The following DYM variants were observed in gnomAD, a reference collection of about 807,000 sequenced individuals.
DYM encodes dyggve-Melchior-Clausen syndrome protein.
A neutral mutation model predicts 93.1 loss-of-function variants in DYM; 78 were observed. The ratio of observed to expected loss-of-function variants is 0.84; its 90% CI spans 0.70 to 1.01. DYM has a LOEUF of 1.01. Ranked by LOEUF, DYM falls within the 50% of genes least tolerant of loss-of-function variation. DYM has a pLI of 0.00. For missense variants in DYM, 789 were observed against 845.0 expected, an observed-to-expected ratio of 0.93 and a Z score of 0.82; for synonymous variants, 321 against 319.7, an observed-to-expected ratio of 1.00 and a Z score of -0.04.
At chr18:49,045,776 G>A (rs2071406105) in intron 17 of DYM, among the ~76,000 whole-genome samples, 1 of 152,172 alleles carries the variant, frequency 6.6e-6, no homozygotes, top group South Asian at 2.1e-4. Context: ...GGAAAGGCCT[G>A]GGTGTGAGGC....
intron 2 of DYM, among the ~76,000 whole-genome samples, chr18:49,421,422 C>G (rs2073695098): frequency 6.6e-6 from 1 of 152,200 alleles, no homozygotes; most frequent in South Asian, 2.1e-4. Flanking sequence ...TCCAACAGAC[C>G]TGCAGCTGAG....
intron 17 of DYM, among the ~76,000 whole-genome samples, chr18:49,095,625 T>A (rs1599709424): frequency 6.6e-6 from 1 of 152,200 alleles, no homozygotes; most frequent in East Asian, 1.9e-4. Flanking sequence ...GATCTTGCTC[T>A]AAATCAGAGT....
At chr18:49,304,480 A>T (rs1480632327) in intron 8 of DYM, among the ~76,000 whole-genome samples, 1 of 152,170 alleles carries the variant, frequency 6.6e-6, no homozygotes, top group Admixed American at 6.5e-5. Context: ...ATTAGGAAAA[A>T]ACCTTCTATA....
rs2093294310 is a variant in DYM at position 49,220,305 on chromosome 18, A to G, written c.1461-10590T>C. Among the ~76,000 whole-genome samples the G allele has an allele frequency of 1.1e-4, 17 of 149,308 alleles. No homozygotes were observed. The South Asian group carries it at 3.7e-3, about 32-fold the overall frequency. On this transcript the variant is annotated intron_variant, in intron 13 of 17. Coordinates refer to ENST00000675505, the MANE Select transcript of DYM (RefSeq NM_001353214.3). ...CCATGCTCATGGGTAGGAAGAATCA[A>G]TATCGTGAAAATGGCCATACTGCCC...
intron 14 of DYM, among the ~76,000 whole-genome samples, chr18:49,187,096 T>G (rs562111036): frequency 2.0e-5 from 3 of 152,202 alleles, no homozygotes; most frequent in Non-Finnish European, 4.4e-5. Context: ...ATTTTTTGTA[T>G]GTTTAGTAGA....
intron 6 of DYM, among the ~76,000 whole-genome samples, chr18:49,339,273 CCA>C (rs1408866087): frequency 1.3e-5 from 2 of 152,194 alleles, no homozygotes; most frequent in South Asian, 2.1e-4. Context: ...AAAGAAAAAT[CCA>C]CAGAGATATG....
intron 6 of DYM, among the ~76,000 whole-genome samples, chr18:49,344,164 C>T (rs1206616965): frequency 6.6e-6 from 1 of 152,058 alleles, no homozygotes; most frequent in African/African-American, 2.4e-5. Context: ...TTGGGTTCTA[C>T]ATATCTGGGG....
At chr18:49,141,946 C>T (rs900220011) in intron 15 of DYM, among the ~76,000 whole-genome samples, 8 of 151,970 alleles carry the variant, frequency 5.3e-5, no homozygotes, top group Non-Finnish European at 1.2e-4. Context: ...CTCTGCCCCC[C>T]GGGTTCATGC....
chr18:49,048,722 T>C (rs1157840559), intron 17 of DYM, among the ~76,000 whole-genome samples: 1 of 152,236 alleles, frequency 6.6e-6, no homozygotes, highest in Admixed American at 6.5e-5. Context: ...GGGGAAACTC[T>C]GATGACTATT....
chr18:49,054,586 T>A (rs1438002701), intron 17 of DYM, among the ~76,000 whole-genome samples: 1 of 152,172 alleles, frequency 6.6e-6, no homozygotes, highest in Admixed American at 6.5e-5. Flanking sequence ...GACCACTTAT[T>A]AGAAGTTACA....
chr18:49,053,767 T>A (rs1366886502), intron 17 of DYM, among the ~76,000 whole-genome samples: 1 of 152,242 alleles, frequency 6.6e-6, no homozygotes, highest in Non-Finnish European at 1.5e-5. Context: ...CCATATCCTA[T>A]TGCTGTGTAA....
At chr18:49,390,539 G>C (rs1053739767) in intron 3 of DYM, among the ~76,000 whole-genome samples, 1 of 151,068 alleles carries the variant, frequency 6.6e-6, no homozygotes, top group South Asian at 2.1e-4. Flanking sequence ...ACAGAGTCTC[G>C]CTCTGTCGCC....
At chr18:49,453,318 A>G (rs538535762) in intron 1 of DYM, among the ~76,000 whole-genome samples, 1 of 152,246 alleles carries the variant, frequency 6.6e-6, no homozygotes, top group African/African-American at 2.4e-5. Context: ...GGCTGCCCCA[A>G]CCAGCAGTGG....
At chr18:49,271,344 C>T (rs2094692871) in intron 11 of DYM, among the ~76,000 whole-genome samples, 1 of 151,974 alleles carries the variant, frequency 6.6e-6, no homozygotes, top group South Asian at 2.1e-4. Flanking sequence ...AATGTAAAAG[C>T]TGAGTTAACC....
At chr18:49,291,633 T>G (rs2060122945) in intron 8 of DYM, among the ~76,000 whole-genome samples, 1 of 152,170 alleles carries the variant, frequency 6.6e-6, no homozygotes, top group South Asian at 2.1e-4. Flanking sequence ...TGTTTTGTTT[T>G]TTAATACAGG....
chr18:49,059,444 T>C (rs1033353900), intron 17 of DYM, among the ~76,000 whole-genome samples: 2 of 152,254 alleles, frequency 1.3e-5, no homozygotes, highest in African/African-American at 4.8e-5. Context: ...ACATTATAAC[T>C]GTAATCACTA....
rs1342333638 is a variant in DYM, at chr18:49,041,928, G to A, written c.*2127C>T. On this transcript the variant is annotated 3_prime_UTR_variant, in exon 18 of 18. Coordinates refer to ENST00000675505, the MANE Select transcript of DYM (RefSeq NM_001353214.3). Reference sequence around the variant, plus strand: ...GCCCTCAGACTCAGAGGACAGTTCTGTGGTCCTGCCAGAAGCTCAGCTGTT... The same window carrying A: ...GCCCTCAGACTCAGAGGACAGTTCTATGGTCCTGCCAGAAGCTCAGCTGTT... The A allele has an allele frequency of 6.6e-6, 1 of 152,192 alleles. No individual in the cohort carries two copies. Among genetic ancestry groups the A allele is most frequent in the Non-Finnish European group, 1.5e-5 (1 of 68,038 alleles). 9.4% of individuals were successfully genotyped at this position (152,192 alleles called of 1,614,324 possible).
chr18:49,221,009 G>A (rs1156351242), intron 13 of DYM, among the ~76,000 whole-genome samples: 1 of 152,124 alleles, frequency 6.6e-6, no homozygotes, highest in Non-Finnish European at 1.5e-5. Context: ...CTACTCATCT[G>A]ACAAAGGGCT....
intron 13 of DYM, among the ~76,000 whole-genome samples, chr18:49,218,109 T>C (rs987057640): frequency 3.9e-5 from 6 of 152,150 alleles, no homozygotes; most frequent in Admixed American, 2.6e-4. Flanking sequence ...GCAATCCTAG[T>C]GTCTGATAAA....
Sources: allele counts gnomAD v4.1 joint callset (sites outside exome capture counted in the v4.1 genomes callset), GRCh38; gene constraint gnomAD v4.1.1; transcripts MANE v1.5; gene names NCBI Gene and HGNC (gene_info 2026-07-23, HGNC 2026-07-21).